NSD3: variants seen among roughly 807,000 people sequenced by gnomAD.
NSD3 encodes histone-lysine N-methyltransferase NSD3.
In NSD3, 24 loss-of-function variants were observed where a neutral mutation model predicts 160.8. The ratio of observed to expected loss-of-function variants is 0.15; its 90% confidence interval spans 0.11 to 0.21. The LOEUF (loss-of-function observed/expected upper bound fraction) is 0.21. NSD3 is among the 10% of genes least tolerant of loss of function. The pLI is 1.00. For synonymous variants in NSD3, 520 were observed against 600.0 expected, an observed-to-expected ratio of 0.87 and a Z score of 1.95; for missense variants, 1,157 against 1,735.9, an observed-to-expected ratio of 0.67 and a Z score of 5.93.
In NSD3 at chr8:38,326,725, C is replaced by T. The variant is rs1407401983; in HGVS notation, c.1708+5G>A. The T allele has an allele frequency of 6.2e-7, 1 of 1,612,268 alleles. No homozygotes were observed. Among genetic ancestry groups the T allele is most frequent in the African/African-American group, 1.3e-5 (1 of 74,808 alleles). ...GACCTATATATACTTTTCATTCATA[C>T]CAACCTGTAGAACCAGATGTTGCTT... On this transcript the variant is annotated splice_donor_5th_base_variant and intron_variant, in intron 7 of 23. Coordinates refer to ENST00000317025, the MANE Select transcript of NSD3 (RefSeq NM_023034.2).
chr8:38,332,481 C>T (rs919529285), intron 4 of NSD3, among the ~76,000 whole-genome samples: 1 of 152,108 alleles, frequency 6.6e-6, no homozygotes, highest in African/African-American at 2.4e-5. Flanking sequence ...ATATAACCCA[C>T]GTAAACAAAA....
chr8:38,326,090 G>A (rs1403558818), intron 7 of NSD3, among the ~76,000 whole-genome samples: 3 of 151,932 alleles, frequency 2.0e-5, no homozygotes, highest in Non-Finnish European at 2.9e-5. Flanking sequence ...GGAGGTTGCA[G>A]CGAACCGAGA....
At position 38,288,689 on chromosome 8, in the gene NSD3, C is replaced by T; in HGVS notation, c.3299G>A (p.Cys1100Tyr). ...ACAAGGGTTTTCATCAGCTGGCTTG[C>T]AGTTACAGCGGGGAATCTCTGACAG... ...ADLSEIPRCN[C>Y]KPADENPCGL... The change falls in exon 19 of 24, where the codon TGC becomes TAC. Residue 1100 changes from cysteine (C) to tyrosine (Y), a missense_variant. Physicochemically the swap from Cys to Tyr is radical, Grantham distance 194 (BLOSUM62 -2). This residue lies in a region of NSD3 where 437 missense variants were observed against 576.6 expected (regional missense o/e 0.76). Transcript: ENST00000317025. The surrounding 1 kb of genome is among the most constrained non-coding windows in gnomAD (Gnocchi z 4.5). 1 of 1,614,194 alleles carries T rather than the reference C, an allele frequency of 6.2e-7. No individual in the cohort carries two copies. Among genetic ancestry groups the T allele is most frequent in the Non-Finnish European group, 8.5e-7 (1 of 1,180,032 alleles).
chr8:38,378,629 G>T (rs1225795068), intron 1 of NSD3, among the ~76,000 whole-genome samples: 1 of 151,980 alleles, frequency 6.6e-6, no homozygotes, highest in Non-Finnish European at 1.5e-5. Flanking sequence ...GTGACAGAGC[G>T]AGACTCCGTC....
intron 17 of NSD3, 102 bp from the exon 18 acceptor site, chr8:38,289,607 G>T: frequency 9.5e-7 from 1 of 1,057,226 alleles, no homozygotes; most frequent in Non-Finnish European, 1.4e-6. Flanking sequence ...CATCTGGCCT[G>T]AGATTTTTCT....
At chr8:38,335,932 T>C (rs1810205831) in intron 4 of NSD3, 1 of 152,124 alleles carries the variant, frequency 6.6e-6, no homozygotes. Flanking sequence ...ACAATGCTGG[T>C]TTTTCACTTC....
Position 38,317,166 on chromosome 8 carries a change from G to C in NSD3, c.1856-1124C>G. 9.4e-7 allele frequency: 1 copy of C among 1,063,246 alleles called. No homozygotes were observed. 65.9% of individuals were successfully genotyped at this position (1,063,246 alleles called of 1,614,324 possible). A position where few individuals can be genotyped will look rare whatever the true frequency, so the allele number is the denominator to read the frequency against. On this transcript the variant is annotated intron_variant, in intron 9 of 23. Transcript: ENST00000317025. The surrounding 1 kb of genome is among the most constrained non-coding windows in gnomAD (Gnocchi z 5.3). The stretch of plus-strand genomic sequence containing the variant: ...AGAGTAGCACTTGGAACATAGCCAC[G>C]TTCTGTGGTGGAGGAGGTGGGCCTC...
chr8:38,372,739 G>T, intron 1 of NSD3, among the ~76,000 whole-genome samples: 1 of 148,358 alleles, frequency 6.7e-6, no homozygotes, highest in Non-Finnish European at 1.5e-5. Flanking sequence ...CAGGTGCTCC[G>T]CCCGCCTCGG....
intron 2 of NSD3, among the ~76,000 whole-genome samples, chr8:38,345,792 C>G (rs1206250663): frequency 1.3e-5 from 2 of 151,788 alleles, no homozygotes; most frequent in African/African-American, 4.8e-5. Flanking sequence ...CCTGTAGTCC[C>G]CAGCTACTCG....
In NSD3 at chr8:38,305,456, G is replaced by C; in HGVS notation, c.2243-11C>G. The C allele has an allele frequency of 6.2e-7, 1 of 1,613,250 alleles. No individual in the cohort carries two copies. The highest frequency in any genetic ancestry group is 8.5e-7 in the Non-Finnish European group (1 of 1,179,546). On this transcript the variant is annotated splice_polypyrimidine_tract_variant and intron_variant, in intron 12 of 23. Transcript: ENST00000317025. The stretch of plus-strand genomic sequence containing the variant: ...AACATGGGTGCTGCCCTGGAAAATT[G>C]GTGAGGAATACAAATTAAATAAAAT...
intron 15 of NSD3, among the ~76,000 whole-genome samples, chr8:38,296,160 A>G (rs1436158368): frequency 2.0e-5 from 3 of 152,180 alleles, no homozygotes. Flanking sequence ...AGAAACTCAG[A>G]GCTTCTGAGT....
intron 12 of NSD3, among the ~76,000 whole-genome samples, chr8:38,312,892 T>G (rs1424281625): frequency 6.6e-6 from 1 of 152,150 alleles, no homozygotes; most frequent in African/African-American, 2.4e-5. Flanking sequence ...CCTAATACAA[T>G]ACTTGAATGC....
At chr8:38,372,165 T>C (rs975382691) in intron 1 of NSD3, among the ~76,000 whole-genome samples, 4 of 152,226 alleles carry the variant, frequency 2.6e-5, no homozygotes, top group African/African-American at 4.8e-5. Flanking sequence ...ATTAACAATA[T>C]AGACAAATCG....
Position 38,299,833 on chromosome 8 carries a change from C to T in NSD3, c.2612-243G>A, listed in dbSNP as rs982233756. On this transcript the variant is annotated intron_variant, in intron 14 of 23. Coordinates refer to ENST00000317025, the MANE Select transcript of NSD3 (RefSeq NM_023034.2). ...ACCTAAATTCTGCAGAAGAAAACTTCAAATAATTTGAAGATATAAACACTT... is the reference window on the plus strand; with the variant it reads ...ACCTAAATTCTGCAGAAGAAAACTTTAAATAATTTGAAGATATAAACACTT... 1.2e-5 allele frequency: 4 copies of T among 344,484 alleles called. No homozygotes were observed. In the Admixed American group the frequency reaches 1.9e-4, roughly 16 times the overall value. 21.3% of individuals were successfully genotyped at this position (344,484 alleles called of 1,614,324 possible). A position where few individuals can be genotyped will look rare whatever the true frequency, so the allele number is the denominator to read the frequency against.
chr8:38,315,938 C>T lies in NSD3; in HGVS notation c.1960G>A (p.Asp654Asn), dbSNP rs760897552. Residue 654 changes from aspartate to asparagine, a missense_variant, in exon 10 of 24, where the codon GAT (aspartate) becomes AAT (asparagine). Around this residue, in one of 10 missense-constraint regions of NSD3, gnomAD observed 437 missense variants for 576.6 expected, o/e 0.76. Transcript: ENST00000317025. The part of the protein sequence containing the change: ...SSAYRDTSDS[D>N]SRGLSDLQVG... ...TGCAGGTCACTCAGTCCTCTAGAAT[C>T]GGAGTCAGATGTGTCTCTGTATGCT... The T allele has an allele frequency of 1.2e-6, 2 of 1,613,796 alleles. No individual in the cohort carries two copies. Among genetic ancestry groups the T allele is most frequent in the Admixed American group, 1.7e-5 (1 of 60,016 alleles).
chr8:38,287,452 A>G (rs1199146076), intron 19 of NSD3, among the ~76,000 whole-genome samples: 1 of 152,170 alleles, frequency 6.6e-6, no homozygotes, highest in Non-Finnish European at 1.5e-5. Context: ...ATGTATTATT[A>G]TATATGTTTA....
At chr8:38,328,993 A>G (rs1809981618) in intron 6 of NSD3, among the ~76,000 whole-genome samples, 2 of 152,354 alleles carry the variant, frequency 1.3e-5, no homozygotes, top group South Asian at 4.1e-4. Context: ...AGTGGTTTTT[A>G]TAACAATGGT....
rs369973504 is a variant in NSD3, at chr8:38,377,957, C to T, written c.-45+3842G>A. 1.2e-4 allele frequency among the ~76,000 whole-genome samples: 18 copies of T among 151,996 alleles called. No individual in the cohort carries two copies. The East Asian group carries it at 2.7e-3, about 23-fold the overall frequency. ...AAAAACAAACAAAAAAACAAAAAAGCAAAATGCAGATAGTATGATCCATTT... is the reference window on the plus strand; with the variant it reads ...AAAAACAAACAAAAAAACAAAAAAGTAAAATGCAGATAGTATGATCCATTT... On this transcript the variant is annotated intron_variant, in intron 1 of 23. Coordinates refer to ENST00000317025, the MANE Select transcript of NSD3 (RefSeq NM_023034.2).
intron 2 of NSD3, among the ~76,000 whole-genome samples, chr8:38,339,662 G>A (rs1810310997): frequency 6.6e-6 from 1 of 151,296 alleles, no homozygotes; most frequent in Admixed American, 6.6e-5. Context: ...GGAGGTGGGG[G>A]TTGCAGTGAG....
Sources: gnomAD v4.1 joint callset for allele counts (sites outside exome capture counted in the v4.1 genomes callset) on GRCh38, gnomAD v4.1.1 for gene constraint, gnomAD v4.1.1 regional missense constraint, Gnocchi (gnomAD v3.1) non-coding constraint, MANE v1.5 for transcripts, NCBI Gene and HGNC (gene_info 2026-07-23, HGNC 2026-07-21) for gene names.